The following ARNT2 variants were observed in gnomAD, a reference collection of about 807,000 sequenced individuals.
ARNT2 encodes the protein ARNT protein 2.
In ARNT2, 36 loss-of-function variants were observed where a neutral mutation model predicts 91.7. That is an observed-to-expected ratio of 0.39 (90% CI 0.30 to 0.52). ARNT2 has a LOEUF of 0.52. ARNT2 is among the 20% of genes least tolerant of loss of function. The pLI is 0.72. For missense variants in ARNT2, 775 were observed against 939.3 expected (o/e 0.83, Z 2.29); for synonymous variants, 365 against 347.1 (o/e 1.05, Z -0.57).
At chr15:80,477,396 A>G (rs1261227053) in intron 5 of ARNT2, among the ~76,000 whole-genome samples, 1 of 152,218 alleles carries the variant, frequency 6.6e-6, no homozygotes, top group Non-Finnish European at 1.5e-5. Flanking sequence ...TCTGTTTTAT[A>G]ACAGTACCTA....
At chr15:80,548,986 T>C (rs1898035381) in intron 8 of ARNT2, among the ~76,000 whole-genome samples, 1 of 152,066 alleles carries the variant, frequency 6.6e-6, no homozygotes, top group South Asian at 2.1e-4. Context: ...CTACCAGACA[T>C]TAAAACATAC....
chr15:80,435,730 C>T (rs1468337864), intron 1 of ARNT2, among the ~76,000 whole-genome samples: 9 of 152,184 alleles, frequency 5.9e-5, no homozygotes, highest in Admixed American at 3.9e-4. Flanking sequence ...CCGTGGATCA[C>T]TTGGCACTGA....
intron 8 of ARNT2, among the ~76,000 whole-genome samples, chr15:80,544,041 CCAT>C (rs1442952680): frequency 6.6e-6 from 1 of 152,112 alleles, no homozygotes. Flanking sequence ...ACACCCAGCC[CCAT>C]CTAGTACATT....
Position 80,510,446 on chromosome 15 carries a change from A to G in ARNT2, c.725+2188A>G, listed in dbSNP as rs545472669. Among the ~76,000 whole-genome samples, 12 of 152,348 alleles carry G rather than the reference A, an allele frequency of 7.9e-5. No individual in the cohort carries two copies. In the East Asian group the frequency reaches 1.9e-3, roughly 24 times the overall value. On this transcript the variant is annotated intron_variant, in intron 6 of 18. Transcript: ENST00000303329. ...CATGCGGCCAACAATCATATATAAA[A>G]AAAAAGCTCAATATCACTGATTATT...
At chr15:80,579,630 G>A (rs1898754797) in intron 15 of ARNT2, among the ~76,000 whole-genome samples, 1 of 152,220 alleles carries the variant, frequency 6.6e-6, no homozygotes, top group African/African-American at 2.4e-5. Flanking sequence ...AGGGAGGCAG[G>A]AGGAGGGGCC....
chr15:80,567,432 C>T (rs185054694), intron 12 of ARNT2, among the ~76,000 whole-genome samples: 1 of 152,280 alleles, frequency 6.6e-6, no homozygotes, highest in Non-Finnish European at 1.5e-5. Context: ...ACTTGAGCTC[C>T]CATAACGTTC....
At chr15:80,527,260 G>C (rs575257696) in intron 8 of ARNT2, among the ~76,000 whole-genome samples, 1 of 152,326 alleles carries the variant, frequency 6.6e-6, no homozygotes, top group African/African-American at 2.4e-5. Context: ...ACCTCCAGTG[G>C]AGGAGACAGG....
chr15:80,446,356 G>T (rs970384531), intron 1 of ARNT2, among the ~76,000 whole-genome samples: 4 of 152,146 alleles, frequency 2.6e-5, no homozygotes, highest in Non-Finnish European at 5.9e-5. Context: ...CTTATAGAGG[G>T]GGAGACTGAA....
chr15:80,477,545 CCCTTCTCCTTGATTTGGAGATGGCCA>C (rs1244582933), intron 5 of ARNT2, among the ~76,000 whole-genome samples: 1 of 152,160 alleles, frequency 6.6e-6, no homozygotes, highest in African/African-American at 2.4e-5. Context: ...TCCCCTAAGG[CCCTTCTCCTTGATTTGGAGATGGCCA>C]CCTTCTTGCA....
At chr15:80,584,651 G>A (rs1898860862) in intron 17 of ARNT2, among the ~76,000 whole-genome samples, 2 of 152,236 alleles carry the variant, frequency 1.3e-5, no homozygotes, top group African/African-American at 4.8e-5. Context: ...GTTTACATTT[G>A]CAATGGACAC....
rs532900445 is a variant in ARNT2, at chr15:80,498,491, G to A, written c.623-9665G>A. On this transcript the variant is annotated intron_variant, in intron 5 of 18. Transcript: ENST00000303329. ...GTGAAAAGAGGCTGTATTAATGACC[G>A]TCCTAGGACAATAGGCAAAAGCTAG... is the stretch of plus-strand genomic sequence containing the variant. Among the ~76,000 whole-genome samples the A allele has an allele frequency of 7.0e-4, 107 of 152,276 alleles. 2 individuals carry two copies. The highest frequency in any genetic ancestry group is 1.9e-3 in the African/African-American group (79 of 41,556).
intron 1 of ARNT2, among the ~76,000 whole-genome samples, chr15:80,442,141 G>A (rs907927295): frequency 6.6e-5 from 10 of 152,188 alleles, no homozygotes; most frequent in Non-Finnish European, 1.2e-4. Flanking sequence ...AATCTCCAGG[G>A]ACTGGAAATG....
At chr15:80,593,204 A>G (rs1016309263) in intron 18 of ARNT2, among the ~76,000 whole-genome samples, 2 of 152,194 alleles carry the variant, frequency 1.3e-5, no homozygotes, top group East Asian at 1.9e-4. Context: ...AGGTCTCCAC[A>G]TACATCTTCC....
intron 10 of ARNT2, 193 bp from the exon 11 acceptor site, chr15:80,554,872 A>C (rs528654911): frequency 1.4e-4 from 74 of 546,528 alleles, no homozygotes; most frequent in Non-Finnish European, 1.3e-4. Context: ...AAGAACTTAG[A>C]GTGAATACCA....
chr15:80,569,174 GCT>G (rs1898540134), intron 12 of ARNT2, among the ~76,000 whole-genome samples: 1 of 152,162 alleles, frequency 6.6e-6, no homozygotes, highest in Admixed American at 6.5e-5. Flanking sequence ...ATGGCTTCTT[GCT>G]CACTTACTCA....
chr15:80,525,047 T>A (rs1489907724), intron 8 of ARNT2, among the ~76,000 whole-genome samples: 1 of 150,538 alleles, frequency 6.6e-6, no homozygotes, highest in Non-Finnish European at 1.5e-5. Flanking sequence ...TATAGTAGAT[T>A]GTTGGCTACT....
chr15:80,434,806 G>A (rs1896062964), intron 1 of ARNT2, among the ~76,000 whole-genome samples: 1 of 152,038 alleles, frequency 6.6e-6, no homozygotes, highest in South Asian at 2.1e-4. Context: ...ATAATAGATT[G>A]AAATAAAGAT....
chr15:80,518,388 C>A (rs1229672531), intron 8 of ARNT2, among the ~76,000 whole-genome samples: 1 of 138,294 alleles, frequency 7.2e-6, no homozygotes, highest in African/African-American at 2.7e-5. Context: ...TCAAGCAATT[C>A]TCCTGTCTCA....
rs540865742 is a variant in ARNT2, at chr15:80,549,566, A to G, written c.878-1633A>G. ...AGAAGCAGACAATTCACTAAAAAAC[A>G]AGATATAAAAAATGATCCTCAAACA... is the stretch of plus-strand genomic sequence containing the variant. On this transcript the variant is annotated intron_variant, in intron 8 of 18. Coordinates refer to ENST00000303329, the MANE Select transcript of ARNT2 (RefSeq NM_014862.4). 2.0e-5 allele frequency among the ~76,000 whole-genome samples: 3 copies of G among 152,350 alleles called. No homozygotes were observed. The South Asian group carries it at 6.2e-4, about 32-fold the overall frequency.
Sources: allele counts gnomAD v4.1 joint callset (sites outside exome capture counted in the v4.1 genomes callset), GRCh38; gene constraint gnomAD v4.1.1; transcripts MANE v1.5; gene names NCBI Gene and HGNC (gene_info 2026-07-23, HGNC 2026-07-21).